COL22A1: variants seen among roughly 807,000 people sequenced by gnomAD.
The protein encoded by COL22A1 is collagen alpha-1(XXII) chain.
COL22A1 carries 221 observed loss-of-function variants against 248.9 expected under a neutral mutation model. The observed-to-expected ratio is 0.89, with a 90% confidence interval of 0.80 to 0.99. The LOEUF is 0.99. Among genes scored for constraint, COL22A1 ranks in the 50% least tolerant of loss-of-function variants. The pLI, the probability that COL22A1 is intolerant of heterozygous loss-of-function variation, is 0.00. For missense variants in COL22A1, 2,240 were observed against 2,179.0 expected (o/e 1.03, Z -0.56); for synonymous variants, 891 against 793.4 (o/e 1.12, Z -2.07).
intron 10 of COL22A1, among the ~76,000 whole-genome samples, chr8:138,805,962 A>ATGG (rs1817572313): frequency 1.2e-5 from 1 of 86,710 alleles, no homozygotes; most frequent in East Asian, 4.6e-4. Flanking sequence ...TATGGTGTGT[A>ATGG]TGTGTGATAG....
At chr8:138,688,866 T>A (rs778222385) in intron 37 of COL22A1, 51 bp downstream of exon 37, 36 of 1,507,400 alleles carry the variant, frequency 2.4e-5, no homozygotes, top group Non-Finnish European at 3.2e-5. Flanking sequence ...TCAGTGCCTG[T>A]AAGAAGTTAA....
At chr8:138,752,091 C>T (rs768350208) in intron 21 of COL22A1, among the ~76,000 whole-genome samples, 7 of 152,210 alleles carry the variant, frequency 4.6e-5, no homozygotes, top group Middle Eastern at 3.2e-3. Context: ...CACTTGGTGC[C>T]GTTAAACCTC....
At chr8:138,885,790 C>T (rs949146693) in intron 1 of COL22A1, among the ~76,000 whole-genome samples, 13 of 152,030 alleles carry the variant, frequency 8.6e-5, no homozygotes, top group Admixed American at 7.2e-4. Flanking sequence ...TTCGAACTCC[C>T]GACCTCAGTT....
chr8:138,782,065 C>A (rs965322728), intron 12 of COL22A1, among the ~76,000 whole-genome samples: 1 of 152,226 alleles, frequency 6.6e-6, no homozygotes, highest in Non-Finnish European at 1.5e-5. Flanking sequence ...CAGGCATATA[C>A]ATGCTTTTAA....
At chr8:138,620,220 G>GAA (rs1819672205) in intron 52 of COL22A1, 1 of 152,218 alleles carries the variant, frequency 6.6e-6, no homozygotes, top group Non-Finnish European at 1.5e-5. Context: ...AATGAGGGGA[G>GAA]GCCGGGCAGA....
At chr8:138,853,436 A>G (rs866850080) in intron 3 of COL22A1, among the ~76,000 whole-genome samples, 6 of 152,220 alleles carry the variant, frequency 3.9e-5, no homozygotes, top group African/African-American at 1.4e-4. Flanking sequence ...GAAAACACAC[A>G]TACTCCCAAT....
intron 22 of COL22A1, among the ~76,000 whole-genome samples, chr8:138,748,933 G>C (rs1832361903): frequency 6.6e-6 from 1 of 152,152 alleles, no homozygotes; most frequent in Non-Finnish European, 1.5e-5. Flanking sequence ...TTGTGAGAGG[G>C]ACCTGGTGGG....
Position 138,616,070 on chromosome 8 carries a change from C to A in COL22A1, c.3871-16G>T. ...CAGACTCTCCCTAGGAACAAAAAAG[C>A]CTGCTATTAGGGAAGGAGATGCTTC... is the stretch of plus-strand genomic sequence containing the variant. On this transcript the variant is annotated splice_polypyrimidine_tract_variant and intron_variant, in intron 54 of 64. Coordinates refer to ENST00000303045, the MANE Select transcript of COL22A1 (RefSeq NM_152888.3). 1 of 1,608,322 alleles carries A rather than the reference C, an allele frequency of 6.2e-7. No homozygotes were observed. The highest frequency in any genetic ancestry group is 8.5e-7 in the Non-Finnish European group (1 of 1,175,492).
At position 138,662,034 on chromosome 8, in the gene COL22A1, C is replaced by T. The variant is rs146190475; in HGVS notation, c.3236G>A (p.Arg1079Gln). Reference protein sequence around the residue: ...GFPGPQGPAGRDGAPGNPGER... With the variant: ...GFPGPQGPAGQDGAPGNPGER... ...ACGCCATTTCTCTGTACTTACGTCC[C>T]GGCCGGCTGGGCCCTGGGGGCCAGG... The change falls in exon 43 of 65, where the codon CGG becomes CAG. Residue 1079 changes from arginine to glutamine, a missense_variant. Coordinates refer to ENST00000303045, the MANE Select transcript of COL22A1 (RefSeq NM_152888.3). 154 of 1,611,672 alleles carry T rather than the reference C, an allele frequency of 9.6e-5. No homozygotes were observed. Among genetic ancestry groups the T allele is most frequent in the African/African-American group, 6.9e-4 (52 of 74,984 alleles).
intron 22 of COL22A1, among the ~76,000 whole-genome samples, chr8:138,741,055 C>T (rs1220514608): frequency 2.6e-5 from 4 of 152,208 alleles, no homozygotes; most frequent in Non-Finnish European, 5.9e-5. Context: ...CCAGGGTTCA[C>T]ACCATCATCT....
At chr8:138,835,051 G>T (rs759333143) in intron 4 of COL22A1, among the ~76,000 whole-genome samples, 1 of 152,144 alleles carries the variant, frequency 6.6e-6, no homozygotes, top group African/African-American at 2.4e-5. Flanking sequence ...AAGGCGCTCC[G>T]GGAGGAAGCT....
chr8:138,771,586 C>T (rs933828920), intron 16 of COL22A1, among the ~76,000 whole-genome samples: 1 of 152,332 alleles, frequency 6.6e-6, no homozygotes, highest in Admixed American at 6.5e-5. Context: ...AAACGTCCAA[C>T]GCTACATGGA....
At chr8:138,653,687 A>C (rs1822957600) in intron 45 of COL22A1, among the ~76,000 whole-genome samples, 1 of 152,202 alleles carries the variant, frequency 6.6e-6, no homozygotes, top group South Asian at 2.1e-4. Flanking sequence ...TACCAGAAAG[A>C]GATATATGAA....
intron 10 of COL22A1, among the ~76,000 whole-genome samples, 158 bp from the exon 11 acceptor site, chr8:138,803,092 G>C (rs1014291815): frequency 1.3e-5 from 2 of 152,332 alleles, no homozygotes; most frequent in African/African-American, 4.8e-5. Flanking sequence ...CACCCCTGGA[G>C]AGGAGGAAGC....
In COL22A1 at chr8:138,589,356, G is replaced by A; in HGVS notation, c.4778C>T (p.Pro1593Leu). 1 of 1,611,434 alleles carries A rather than the reference G, an allele frequency of 6.2e-7. No homozygotes were observed. The highest frequency in any genetic ancestry group is 1.3e-5 in the African/African-American group (1 of 74,846). ...PQGETGPAGH[P>L]GLPGPPGPPG... is the part of the protein sequence containing the mutation. ...GGGACCGGGAGGTCCTGGGAGGCCA[G>A]GATGTCCAGCTGGTCCTGTCTCCCC... Residue 1593 changes from proline to leucine, a missense_variant, in exon 65 of 65, where the codon CCT becomes CTT. Coordinates refer to ENST00000303045, the MANE Select transcript of COL22A1 (RefSeq NM_152888.3).
intron 12 of COL22A1, among the ~76,000 whole-genome samples, chr8:138,793,906 C>T (rs1816274215): frequency 6.6e-6 from 1 of 152,136 alleles, no homozygotes; most frequent in Non-Finnish European, 1.5e-5. Context: ...AAGGCTGGTC[C>T]CAGAGGAACA....
chr8:138,632,639 T>C (rs1340224173), intron 49 of COL22A1, among the ~76,000 whole-genome samples: 1 of 152,188 alleles, frequency 6.6e-6, no homozygotes, highest in African/African-American at 2.4e-5. Flanking sequence ...TACATCATGG[T>C]CTTGGATCTC....
chr8:138,828,711 C>T (rs558899561), intron 5 of COL22A1, among the ~76,000 whole-genome samples: 2 of 151,792 alleles, frequency 1.3e-5, no homozygotes, highest in African/African-American at 4.8e-5. Context: ...GATCATGCCA[C>T]TGCACTCCAG....
At chr8:138,697,455 G>A (rs1389424741) in intron 32 of COL22A1, among the ~76,000 whole-genome samples, 1 of 152,120 alleles carries the variant, frequency 6.6e-6, no homozygotes, top group South Asian at 2.1e-4. Context: ...ACTTCCCCAA[G>A]CACCAAGCTG....
Sources: gnomAD v4.1 joint callset for allele counts (sites outside exome capture counted in the v4.1 genomes callset) on GRCh38, gnomAD v4.1.1 for gene constraint, MANE v1.5 for transcripts, NCBI Gene and HGNC (gene_info 2026-07-23, HGNC 2026-07-21) for gene names.